TMEM123: variants seen among roughly 807,000 people sequenced by gnomAD.
TMEM123 encodes the protein transmembrane protein 123, also known as porimin.
A neutral mutation model predicts 19.7 loss-of-function variants in TMEM123; 16 were observed. That is an observed-to-expected ratio of 0.81 (90% CI 0.55 to 1.23). The LOEUF (loss-of-function observed/expected upper bound fraction) is 1.23. Ranked by LOEUF, TMEM123 falls within the 50% of genes most tolerant of loss-of-function variation. The pLI, the probability that TMEM123 is intolerant of heterozygous loss-of-function variation, is 0.00. For missense variants in TMEM123, 313 were observed against 257.8 expected (o/e 1.21, Z -1.47); for synonymous variants, 118 against 99.4 (o/e 1.19, Z -1.12).
At chr11:102,404,230 T>C (rs1951935025) in intron 2 of TMEM123, among the ~76,000 whole-genome samples, 1 of 152,204 alleles carries the variant, frequency 6.6e-6, no homozygotes, top group Admixed American at 6.5e-5. Context: ...TATATTATCC[T>C]ATCTTCCACA....
intron 2 of TMEM123, among the ~76,000 whole-genome samples, chr11:102,413,530 C>T (rs915324215): frequency 2.0e-5 from 3 of 152,142 alleles, no homozygotes; most frequent in Non-Finnish European, 4.4e-5. Context: ...CCCTCCAGCA[C>T]GGCAGGTGCT....
At chr11:102,406,867 T>TGA (rs1951960542) in intron 2 of TMEM123, among the ~76,000 whole-genome samples, 1 of 108,852 alleles carries the variant, frequency 9.2e-6, no homozygotes, top group Admixed American at 1.0e-4. Context: ...CGAGGCTCCG[T>TGA]CAAAAAAAAA....
chr11:102,421,003 T>C (rs1263642873), intron 2 of TMEM123, among the ~76,000 whole-genome samples: 2 of 152,136 alleles, frequency 1.3e-5, no homozygotes, highest in Non-Finnish European at 2.9e-5. Flanking sequence ...GTCAAGATGG[T>C]GCCACTGCAC....
At chr11:102,400,025 A>T (rs140425894) in intron 4 of TMEM123, among the ~76,000 whole-genome samples, 2,981 of 152,276 alleles carry the variant, frequency 0.02, no homozygotes, top group Non-Finnish European at 0.033. Flanking sequence ...TATTAGTAAT[A>T]TAACTGTTAG....
Position 102,396,428 on chromosome 11 carries a change from CTTTT to C in TMEM123, c.*2435_*2438del, listed in dbSNP as rs34628546. The C allele has an allele frequency of 7.3e-5, 11 of 151,414 alleles. No individual in the cohort carries two copies. Among genetic ancestry groups the C allele is most frequent in the Non-Finnish European group, 1.2e-4 (8 of 67,826 alleles). 9.4% of individuals were successfully genotyped at this position (151,414 alleles called of 1,614,324 possible). On this transcript the variant is annotated 3_prime_UTR_variant, in exon 5 of 5. Transcript: ENST00000398136. The stretch of plus-strand genomic sequence containing the variant: ...TAATAAAAAGAAAAGAAGAGTTTAA[CTTTT>C]TTTTTGTGAAAATACAAAATTATCA...
chr11:102,410,809 G>C (rs181111951), intron 2 of TMEM123, among the ~76,000 whole-genome samples: 1 of 152,186 alleles, frequency 6.6e-6, no homozygotes, highest in African/African-American at 2.4e-5. Context: ...GGTCTAGTAA[G>C]GACAAGAAGG....
At chr11:102,418,050 G>A (rs1406429022) in intron 2 of TMEM123, among the ~76,000 whole-genome samples, 1 of 132,222 alleles carries the variant, frequency 7.6e-6, no homozygotes, top group East Asian at 2.2e-4. Context: ...AACCCTAGAA[G>A]ACAGGAAGGG....
chr11:102,418,597 G>T (rs996794197), intron 2 of TMEM123, among the ~76,000 whole-genome samples: 6 of 152,208 alleles, frequency 3.9e-5, no homozygotes, highest in African/African-American at 1.2e-4. Flanking sequence ...GTGGAAAGCA[G>T]TTTGAAGATT....
At chr11:102,401,141 G>C (rs939976743) in intron 4 of TMEM123, among the ~76,000 whole-genome samples, 6 of 151,980 alleles carry the variant, frequency 3.9e-5, no homozygotes, top group Non-Finnish European at 8.8e-5. Flanking sequence ...CTTTGTCGTG[G>C]AAAACAAAAG....
intron 2 of TMEM123, among the ~76,000 whole-genome samples, chr11:102,414,160 GA>G (rs1225298598): frequency 6.6e-6 from 1 of 152,066 alleles, no homozygotes. Context: ...AAAAAAGAAT[GA>G]AAAGAAATGA....
rs927008036 is a variant in TMEM123, at chr11:102,401,962, G to T, written c.402C>A (p.Thr134=). 1 of 1,614,138 alleles carries T rather than the reference G, an allele frequency of 6.2e-7. No individual in the cohort carries two copies. Among genetic ancestry groups the T allele is most frequent in the Admixed American group, 1.7e-5 (1 of 60,016 alleles). Residue 134 remains threonine (T), a synonymous_variant, in exon 3 of 5, where the codon ACC becomes ACA. Coordinates refer to ENST00000398136, the MANE Select transcript of TMEM123 (RefSeq NM_052932.3). ...ATGTCACTGAACTATTGTGGGTTACGGTCATTGTGGATGTTGATATCTGAG... is the reference window on the plus strand; with the variant it reads ...ATGTCACTGAACTATTGTGGGTTACTGTCATTGTGGATGTTGATATCTGAG... ...NTSQISTSTM[T]VTHNSSVTSA... is the part of the protein sequence containing the mutation.
chr11:102,433,330 T>G (rs1857731937), intron 2 of TMEM123, among the ~76,000 whole-genome samples: 1 of 151,958 alleles, frequency 6.6e-6, no homozygotes, highest in South Asian at 2.1e-4. Context: ...ACGATCTGGA[T>G]ATGAGACAGA....
intron 2 of TMEM123, among the ~76,000 whole-genome samples, chr11:102,415,133 A>G (rs1177251726): frequency 2.0e-5 from 3 of 152,234 alleles, no homozygotes; most frequent in Admixed American, 2.0e-4. Context: ...CAACAAGACA[A>G]CTTAACTATC....
rs766179371 is a variant in TMEM123, at chr11:102,452,649, C to T, written c.-26G>A. ...TGTTCCGAGGGCAGGATGCGGCAGC[C>T]TCGTGGGCTCCCAGCCGAGGTGGCG... On this transcript the variant is annotated 5_prime_UTR_variant, in exon 1 of 5. Transcript: ENST00000398136. 34 of 1,456,910 alleles carry T rather than the reference C, an allele frequency of 2.3e-5. No individual in the cohort carries two copies. The highest frequency in any genetic ancestry group is 3.0e-5 in the Non-Finnish European group (33 of 1,098,996). The allele number at this position is 1,456,910 out of a possible 1,614,324, so 90.2% of individuals were successfully genotyped here.
At chr11:102,417,876 A>G (rs548484863) in intron 2 of TMEM123, among the ~76,000 whole-genome samples, 3 of 152,218 alleles carry the variant, frequency 2.0e-5, no homozygotes, top group South Asian at 2.1e-4. Context: ...AAGTTTAAAA[A>G]AAAAAAGTGC....
At position 102,401,585 on chromosome 11, in the gene TMEM123, C is replaced by T; in HGVS notation, c.556G>A (p.Gly186Arg). ...CTTCTTGAGTAATACATTTTGCATC[C>T]AATGTAAAGAATAGATAAAACTCCC... is the stretch of plus-strand genomic sequence containing the variant. ...TLGVLSILYI[G>R]CKMYYSRRGI... The change falls in exon 4 of 5, where the codon GGA becomes AGA. Residue 186 changes from glycine to arginine, a missense_variant. Transcript: ENST00000398136. 2 of 1,599,376 alleles carry T rather than the reference C, an allele frequency of 1.3e-6. No individual in the cohort carries two copies. The highest frequency in any genetic ancestry group is 1.7e-6 in the Non-Finnish European group (2 of 1,176,404).
Position 102,442,644 on chromosome 11 carries a change from G to A in TMEM123, c.157+6168C>T, listed in dbSNP as rs933199294. Among the ~76,000 whole-genome samples, 9 of 152,302 alleles carry A rather than the reference G, an allele frequency of 5.9e-5. 1 individual carries two copies. In the Middle Eastern group the frequency reaches 0.01, roughly 173 times the overall value. ...CCTCTGAAAACTGGCACAAGACAGG[G>A]ATGCCCTCTCTCACTACTCCCATTC... is the stretch of plus-strand genomic sequence containing the variant. On this transcript the variant is annotated intron_variant, in intron 2 of 4. Coordinates refer to ENST00000398136, the MANE Select transcript of TMEM123 (RefSeq NM_052932.3).
chr11:102,440,316 A>G (rs1307058575), intron 2 of TMEM123, among the ~76,000 whole-genome samples: 1 of 152,238 alleles, frequency 6.6e-6, no homozygotes, highest in African/African-American at 2.4e-5. Context: ...TGGGTTATCC[A>G]CAAAGCGAAG....
intron 2 of TMEM123, among the ~76,000 whole-genome samples, chr11:102,428,852 T>C (rs1273206528): frequency 6.6e-6 from 1 of 152,186 alleles, no homozygotes; most frequent in African/African-American, 2.4e-5. Flanking sequence ...TAGTAACTAC[T>C]GGCCACCAAG....
Sources: allele counts gnomAD v4.1 joint callset (sites outside exome capture counted in the v4.1 genomes callset), GRCh38; gene constraint gnomAD v4.1.1; transcripts MANE v1.5; gene names NCBI Gene and HGNC (gene_info 2026-07-23, HGNC 2026-07-21).